Variants in NINL observed in about 807,000 individuals in gnomAD.
NINL encodes the protein ninein like.
A neutral mutation model predicts 160.3 loss-of-function variants in NINL; 153 were observed. The observed-to-expected ratio is 0.95, with a 90% CI of 0.84 to 1.09. NINL has a LOEUF of 1.09. Among genes scored for constraint, NINL ranks in the 50% least tolerant of loss-of-function variants. The pLI is 0.00. For synonymous variants in NINL, 800 were observed against 734.8 expected (o/e 1.09, Z -1.43); for missense variants, 1,829 against 1,764.0 (o/e 1.04, Z -0.66).
chr20:25,570,743 CA>C (rs1356294559), intron 1 of NINL, among the ~76,000 whole-genome samples: 1 of 119,404 alleles, frequency 8.4e-6, no homozygotes, highest in Non-Finnish European at 1.6e-5. Context: ...CACTCTGTCA[CA>C]CAGGCTGGAG....
Position 25,476,085 on chromosome 20 carries a change from A to T in NINL, c.3206T>A (p.Val1069Asp), listed in dbSNP as rs141073805. Reference sequence around the variant, plus strand: ...ATCTACATGTTTCTCCAGAGCCCGGACGACGTCTTCCAGATGTAGAAGTTT... The same window carrying T: ...ATCTACATGTTTCTCCAGAGCCCGGTCGACGTCTTCCAGATGTAGAAGTTT... The part of the protein sequence containing the change: ...ETKLLHLEDV[V>D]RALEKHVDLR... The change falls in exon 17 of 24, where the codon GTC becomes GAC. Residue 1069 changes from valine (V) to aspartate (D), a missense_variant. Physicochemically the swap from Val to Asp is radical, Grantham distance 152. Transcript: ENST00000278886. 608 of 1,613,990 alleles carry T rather than the reference A, an allele frequency of 3.8e-4. No homozygotes were observed. In the African/African-American group the frequency reaches 7.4e-3, roughly 20 times the overall value.
chr20:25,486,334 T>C (rs568601638), intron 13 of NINL, among the ~76,000 whole-genome samples: 6 of 152,238 alleles, frequency 3.9e-5, no homozygotes, highest in African/African-American at 1.4e-4. Context: ...AAAAATAAAA[T>C]TGAAAGAACC....
chr20:25,572,653 T>C (rs781219910), intron 1 of NINL, among the ~76,000 whole-genome samples: 2 of 152,146 alleles, frequency 1.3e-5, no homozygotes, highest in Non-Finnish European at 2.9e-5. Context: ...AACCTTTACA[T>C]ACTGCCCCAT....
At chr20:25,494,263 C>T (rs569575882) in intron 10 of NINL, among the ~76,000 whole-genome samples, 2 of 151,138 alleles carry the variant, frequency 1.3e-5, no homozygotes, top group African/African-American at 2.4e-5. Flanking sequence ...CCACTGCACC[C>T]CTCTAGTCCC....
chr20:25,473,119 A>G (rs1430046431), intron 17 of NINL, among the ~76,000 whole-genome samples: 2 of 152,238 alleles, frequency 1.3e-5, no homozygotes, highest in Non-Finnish European at 2.9e-5. Flanking sequence ...AAGAGTACAC[A>G]CTGCATGATT....
intron 1 of NINL, among the ~76,000 whole-genome samples, chr20:25,564,226 C>T (rs369423214): frequency 7.7e-4 from 117 of 151,538 alleles, no homozygotes; most frequent in African/African-American, 2.4e-3. Context: ...ATCAGCTCAC[C>T]GCAATCTCTG....
At chr20:25,506,801 G>A (rs2063971039) in intron 5 of NINL, among the ~76,000 whole-genome samples, 1 of 152,176 alleles carries the variant, frequency 6.6e-6, no homozygotes, top group South Asian at 2.1e-4. Context: ...AAATCGTTGA[G>A]TCAAAACATC....
intron 10 of NINL, among the ~76,000 whole-genome samples, chr20:25,493,776 C>T (rs991474479): frequency 7.9e-5 from 12 of 151,986 alleles, no homozygotes; most frequent in African/African-American, 2.9e-4. Flanking sequence ...AGGGATACCG[C>T]TTCCTAACAA....
intron 1 of NINL, among the ~76,000 whole-genome samples, chr20:25,549,658 T>C (rs1305892022): frequency 6.6e-6 from 1 of 152,214 alleles, no homozygotes; most frequent in Non-Finnish European, 1.5e-5. Flanking sequence ...TAAATCAATG[T>C]CGTGGCCTGA....
chr20:25,578,711 T>G (rs1177233280), intron 1 of NINL, among the ~76,000 whole-genome samples: 1 of 145,228 alleles, frequency 6.9e-6, no homozygotes, highest in African/African-American at 2.6e-5. Flanking sequence ...GAGAATGGCG[T>G]GAACCTGGGA....
intron 1 of NINL, among the ~76,000 whole-genome samples, chr20:25,565,303 G>A (rs572623057): frequency 7.7e-6 from 1 of 130,386 alleles, no homozygotes; most frequent in Non-Finnish European, 1.6e-5. Context: ...AAGGGAAAAG[G>A]AAAACTTGAA....
intron 1 of NINL, chr20:25,539,999 C>T (rs2064634619): frequency 1.6e-6 from 2 of 1,286,318 alleles, no homozygotes; most frequent in South Asian, 1.2e-5. Context: ...AAGCAGCTCA[C>T]TGTAATAATA....
chr20:25,506,569 C>A (rs963662612), intron 5 of NINL, among the ~76,000 whole-genome samples: 2 of 152,312 alleles, frequency 1.3e-5, no homozygotes, highest in East Asian at 3.9e-4. Flanking sequence ...CCTAACCCAC[C>A]AACATCGTAA....
intron 3 of NINL, among the ~76,000 whole-genome samples, chr20:25,517,117 C>T (rs978885097): frequency 7.0e-4 from 107 of 152,228 alleles, no homozygotes; most frequent in African/African-American, 2.5e-3. Flanking sequence ...TCCGCTTTCC[C>T]GTCCTCTGTC....
At chr20:25,457,809 G>A (rs1239438899) in intron 22 of NINL, among the ~76,000 whole-genome samples, 1 of 152,196 alleles carries the variant, frequency 6.6e-6, no homozygotes, top group African/African-American at 2.4e-5. Context: ...GACCCTTCAA[G>A]TGCTTTAAAG....
chr20:25,486,431 A>G (rs2063505301), intron 13 of NINL, among the ~76,000 whole-genome samples: 1 of 152,218 alleles, frequency 6.6e-6, no homozygotes. Context: ...AGGGCACTAA[A>G]GGAATCTATT....
chr20:25,512,960 C>A lies in NINL; in HGVS notation c.324G>T (p.Trp108Cys). ...GCTCAGGCCGGCTCCGACGGCCATACCACTTAGAACCATTCACATACTTTG... is the reference window on the plus strand; with the variant it reads ...GCTCAGGCCGGCTCCGACGGCCATAACACTTAGAACCATTCACATACTTTG... ...IPPKYVNGSK[W>C]YGRRSRPELC... The change falls in exon 4 of 24, where the codon TGG (tryptophan) becomes TGT (cysteine). Residue 108 changes from tryptophan (W) to cysteine (C), a missense_variant. Trp to Cys is a radical substitution (Grantham distance 215). Coordinates refer to ENST00000278886, the MANE Select transcript of NINL (RefSeq NM_025176.6). 1 of 1,612,300 alleles carries A rather than the reference C, an allele frequency of 6.2e-7. No individual in the cohort carries two copies.
intron 1 of NINL, among the ~76,000 whole-genome samples, chr20:25,564,072 G>A (rs746107343): frequency 5.9e-5 from 9 of 151,406 alleles, no homozygotes; most frequent in South Asian, 2.1e-4. Flanking sequence ...ATATTAGCCC[G>A]GCATGGTAGC....
intron 7 of NINL, among the ~76,000 whole-genome samples, chr20:25,502,410 C>A (rs2063886782): frequency 1.3e-5 from 2 of 152,152 alleles, no homozygotes; most frequent in Non-Finnish European, 2.9e-5. Context: ...AAGTATCCAG[C>A]CCCTGAGCAG....
Sources: gnomAD v4.1 joint callset for allele counts (sites outside exome capture counted in the v4.1 genomes callset) on GRCh38, gnomAD v4.1.1 for gene constraint, MANE v1.5 for transcripts, NCBI Gene and HGNC (gene_info 2026-07-23, HGNC 2026-07-21) for gene names.